Variants in TCTN3 observed in about 807,000 individuals in gnomAD.
TCTN3 encodes tectonic-3.
Under a neutral mutation model 71.3 loss-of-function variants are expected in TCTN3, and 57 were observed. That is an observed-to-expected ratio of 0.80 (90% CI 0.65 to 1.00). The LOEUF (loss-of-function observed/expected upper bound fraction) is 1.00, where lower values mean the gene tolerates loss of function less well. Among genes scored for constraint, TCTN3 ranks in the 50% least tolerant of loss-of-function variants. The pLI is 0.00. For synonymous variants in TCTN3, 258 were observed against 267.8 expected (o/e 0.96, Z 0.36); for missense variants, 696 against 719.9 (o/e 0.97, Z 0.38).
chr10:95,683,084 C>T lies in TCTN3; in HGVS notation c.1298+17G>A, dbSNP rs776775920. On this transcript the variant is annotated intron_variant, in intron 11 of 13. Coordinates refer to ENST00000371217, the MANE Select transcript of TCTN3 (RefSeq NM_015631.6). ...ATTCCCGAAATTGCAGGAAATGATG[C>T]GGAAGCAAAGAACTACCTGAGCTTG... The T allele has an allele frequency of 4.4e-6, 7 of 1,602,394 alleles. No homozygotes were observed. The highest frequency in any genetic ancestry group is 6.0e-6 in the Non-Finnish European group (7 of 1,170,532).
intron 13 of TCTN3, among the ~76,000 whole-genome samples, chr10:95,676,347 C>T (rs1223640704): frequency 2.6e-5 from 4 of 151,118 alleles, no homozygotes; most frequent in South Asian, 4.2e-4. Flanking sequence ...CTCCGTCTCA[C>T]GGGTTTGAGT....
At chr10:95,685,688 T>G in intron 7 of TCTN3, 52 bp from the exon 8 acceptor site, 1 of 1,386,948 alleles carries the variant, frequency 7.2e-7, no homozygotes, top group African/African-American at 1.4e-5. Context: ...TATTTTGTCT[T>G]GTATCTATTA....
At chr10:95,683,371 T>A in intron 10 of TCTN3, 151 bp downstream of exon 10, 1 of 1,512,146 alleles carries the variant, frequency 6.6e-7, no homozygotes, top group Non-Finnish European at 8.9e-7. Flanking sequence ...ACAACTAGAT[T>A]CCAAAAATGA....
chr10:95,665,501 G>A (rs1393477595), intron 13 of TCTN3, among the ~76,000 whole-genome samples: 3 of 152,096 alleles, frequency 2.0e-5, no homozygotes, highest in Admixed American at 6.5e-5. Context: ...GGCTGGTCTC[G>A]AACTCCTGAC....
chr10:95,665,902 G>A (rs2097925151), intron 13 of TCTN3, among the ~76,000 whole-genome samples: 1 of 151,814 alleles, frequency 6.6e-6, no homozygotes, highest in South Asian at 2.1e-4. Flanking sequence ...AATGGGTATT[G>A]AGTCAGTCCT....
chr10:95,685,637 C>G lies in TCTN3; in HGVS notation c.889-1G>C. ...AGGTAAGTATTACAGGAACCTGGAA[C>G]TAGCAACGAAAAGAAGCAAATTAAC... is the stretch of plus-strand genomic sequence containing the variant. On this transcript the variant is annotated splice_acceptor_variant, in intron 7 of 13. Transcript: ENST00000371217. LOFTEE classifies it high-confidence loss of function. 3 of 1,551,002 alleles carry G rather than the reference C, an allele frequency of 1.9e-6. No individual in the cohort carries two copies. Among genetic ancestry groups the G allele is most frequent in the Non-Finnish European group, 2.6e-6 (3 of 1,146,530 alleles).
intron 1 of TCTN3, 61 bp from the exon 2 acceptor site, chr10:95,693,537 CCCT>C: frequency 6.5e-7 from 1 of 1,550,026 alleles, no homozygotes; most frequent in East Asian, 2.4e-5. Context: ...CAGGTGCTCA[CCCT>C]CCTTCTTCCG....
chr10:95,666,632 A>G (rs1354018400), intron 13 of TCTN3, among the ~76,000 whole-genome samples: 1 of 152,190 alleles, frequency 6.6e-6, no homozygotes, highest in Non-Finnish European at 1.5e-5. Flanking sequence ...ATGCCTGGTG[A>G]CCTATACTGG....
intron 8 of TCTN3, 103 bp from the exon 9 acceptor site, chr10:95,684,727 G>C: frequency 7.8e-7 from 1 of 1,274,596 alleles, no homozygotes. Flanking sequence ...AACTAAATGA[G>C]GCAGACTGAA....
At chr10:95,665,980 GC>G (rs1445511274) in intron 13 of TCTN3, among the ~76,000 whole-genome samples, 8 of 149,034 alleles carry the variant, frequency 5.4e-5, no homozygotes, top group African/African-American at 2.0e-4. Context: ...TTGCTCTGTC[GC>G]CCAGGCTGGA....
At chr10:95,685,372 T>C (rs984387509) in intron 8 of TCTN3, among the ~76,000 whole-genome samples, 184 bp downstream of exon 8, 3 of 152,252 alleles carry the variant, frequency 2.0e-5, no homozygotes, top group Admixed American at 2.0e-4. Flanking sequence ...AAATTCACAA[T>C]ATGCTACTTT....
intron 13 of TCTN3, among the ~76,000 whole-genome samples, chr10:95,672,867 G>C (rs2097933065): frequency 6.6e-6 from 1 of 151,244 alleles, no homozygotes; most frequent in South Asian, 2.1e-4. Context: ...AAATTTTTGT[G>C]TTTTTAGTAG....
At position 95,693,923 on chromosome 10, in the gene TCTN3, C is replaced by G; in HGVS notation, c.-24G>C. The G allele has an allele frequency of 1.9e-6, 3 of 1,551,368 alleles. No individual in the cohort carries two copies. The highest frequency in any genetic ancestry group is 2.4e-5 in the South Asian group (2 of 84,042). ...ATGGGGCATTCAGGGCCTCCGGGTC[C>G]GACGTAGGCCTCCGCGGTCTCCAAT... On this transcript the variant is annotated 5_prime_UTR_variant, in exon 1 of 14. Transcript: ENST00000371217.
Position 95,684,201 on chromosome 10 carries a change from G to A in TCTN3, c.1095+298C>T, listed in dbSNP as rs115574724. Reference sequence around the variant, plus strand: ...AACAGCTAGTTAAAGAATTTTTGTAGGTGTTGGCTGAATTTATGATTCAAA... The same window carrying A: ...AACAGCTAGTTAAAGAATTTTTGTAAGTGTTGGCTGAATTTATGATTCAAA... On this transcript the variant is annotated intron_variant, in intron 9 of 13. Coordinates refer to ENST00000371217, the MANE Select transcript of TCTN3 (RefSeq NM_015631.6). Among the ~76,000 whole-genome samples the A allele has an allele frequency of 9.3e-4, 142 of 152,314 alleles. 1 individual carries two copies. The highest frequency in any genetic ancestry group is 3.4e-3 in the Middle Eastern group (1 of 294).
In TCTN3 at chr10:95,687,321, C is replaced by T. The variant is rs2097949340; in HGVS notation, c.662G>A (p.Trp221Ter). 1 of 1,614,046 alleles carries T rather than the reference C, an allele frequency of 6.2e-7. No homozygotes were observed. Among genetic ancestry groups the T allele is most frequent in the Non-Finnish European group, 8.5e-7 (1 of 1,179,988 alleles). Residue 221 changes from tryptophan to a stop codon, truncating the protein, a stop_gained, in exon 5 of 14, where the codon TGG becomes TAG. Coordinates refer to ENST00000371217, the MANE Select transcript of TCTN3 (RefSeq NM_015631.6). LOFTEE classifies it high-confidence loss of function. ...TTGTCTCAGCAAGCTTATTACAGACCACTTGGGGAAGTAAGTAAGAATGGG... is the reference window on the plus strand; with the variant it reads ...TTGTCTCAGCAAGCTTATTACAGACTACTTGGGGAAGTAAGTAAGAATGGG... The part of the protein sequence containing the change: ...GDPILTYFPK[W>*]SVISLLRQPA...
At chr10:95,677,490 T>TTTTTTTTTTG (rs2097938552) in intron 13 of TCTN3, among the ~76,000 whole-genome samples, 1 of 147,986 alleles carries the variant, frequency 6.8e-6, no homozygotes, top group Non-Finnish European at 1.5e-5. Flanking sequence ...TTTGTTTTTT[T>TTTTTTTTTTG]TTTTTTTTTT....
intron 13 of TCTN3, among the ~76,000 whole-genome samples, chr10:95,671,857 A>G (rs975864385): frequency 6.6e-5 from 10 of 152,240 alleles, no homozygotes; most frequent in Admixed American, 4.6e-4. Context: ...TGGTCTCCCA[A>G]AGTGCTGGGA....
chr10:95,693,925 A>G lies in TCTN3; in HGVS notation c.-26T>C, dbSNP rs908900128. ...GGGGCATTCAGGGCCTCCGGGTCCG[A>G]CGTAGGCCTCCGCGGTCTCCAATCG... is the stretch of plus-strand genomic sequence containing the variant. On this transcript the variant is annotated 5_prime_UTR_variant, in exon 1 of 14. Transcript: ENST00000371217. The G allele has an allele frequency of 5.8e-6, 9 of 1,551,362 alleles. No individual in the cohort carries two copies. The highest frequency in any genetic ancestry group is 7.8e-6 in the Non-Finnish European group (9 of 1,146,944).
intron 13 of TCTN3, among the ~76,000 whole-genome samples, chr10:95,670,140 A>C (rs1038517058): frequency 4.0e-5 from 6 of 149,828 alleles, no homozygotes; most frequent in African/African-American, 1.5e-4. Context: ...CATGGTAATT[A>C]GGATCTTAAT....
Sources: allele counts gnomAD v4.1 joint callset (sites outside exome capture counted in the v4.1 genomes callset), GRCh38; gene constraint gnomAD v4.1.1; transcripts MANE v1.5; gene names NCBI Gene and HGNC (gene_info 2026-07-23, HGNC 2026-07-21).